The following MYO16 variants were observed in gnomAD, a reference collection of about 807,000 sequenced individuals.
The protein encoded by MYO16 is myosin XVI.
Under a neutral mutation model 205.3 loss-of-function variants are expected in MYO16, and 94 were observed. That is an observed-to-expected ratio of 0.46 (90% CI 0.39 to 0.54). MYO16 has a LOEUF of 0.54. Ranked by LOEUF, MYO16 falls within the 20% of genes least tolerant of loss-of-function variation. The pLI, the probability that MYO16 is intolerant of heterozygous loss-of-function variation, is 0.00. For missense variants in MYO16, 2,315 were observed against 2,387.5 expected, an observed-to-expected ratio of 0.97 and a Z score of 0.63; for synonymous variants, 988 against 954.0, an observed-to-expected ratio of 1.04 and a Z score of -0.66.
At chr13:108,620,644 G>C (rs538476471) in intron 1 of MYO16, among the ~76,000 whole-genome samples, 1 of 152,186 alleles carries the variant, frequency 6.6e-6, no homozygotes, top group East Asian at 1.9e-4. Flanking sequence ...AGCAGAGATA[G>C]GGATGGAGAT....
chr13:109,126,568 C>T (rs192220717), intron 30 of MYO16, among the ~76,000 whole-genome samples: 64 of 152,250 alleles, frequency 4.2e-4, no homozygotes, highest in African/African-American at 1.3e-3. Context: ...TGGAACTAAA[C>T]GGCCACCCCA....
intron 4 of MYO16, among the ~76,000 whole-genome samples, chr13:108,757,540 A>T (rs562026988): frequency 6.6e-6 from 1 of 152,238 alleles, no homozygotes; most frequent in Admixed American, 6.5e-5. Context: ...CAGGTTAGTT[A>T]CATATGTATA....
At chr13:108,603,554 T>G (rs1019944557) in intron 1 of MYO16, among the ~76,000 whole-genome samples, 1 of 152,182 alleles carries the variant, frequency 6.6e-6, no homozygotes, top group Non-Finnish European at 1.5e-5. Flanking sequence ...CATTTTAAAT[T>G]TAAGCTACTT....
chr13:109,032,562 A>G (rs1218977786), intron 23 of MYO16, among the ~76,000 whole-genome samples: 2 of 152,214 alleles, frequency 1.3e-5, no homozygotes, highest in Non-Finnish European at 2.9e-5. Flanking sequence ...TTTGGATGTT[A>G]TTAAAGCAAT....
intron 4 of MYO16, among the ~76,000 whole-genome samples, chr13:108,736,882 T>C (rs1350679520): frequency 6.6e-6 from 1 of 152,230 alleles, no homozygotes; most frequent in African/African-American, 2.4e-5. Context: ...GATTCCTAGG[T>C]ATTTTATTCT....
At chr13:109,182,856 A>G (rs1367346390) in intron 34 of MYO16, among the ~76,000 whole-genome samples, 3 of 152,204 alleles carry the variant, frequency 2.0e-5, no homozygotes, top group Admixed American at 1.3e-4. Context: ...AAAGTAGTGA[A>G]AATTAATTTT....
At chr13:108,584,694 C>T in the MYO16 span, among the ~76,000 whole-genome samples, 2 of 152,120 alleles carry the variant, frequency 1.3e-5, no homozygotes, top group African/African-American at 4.8e-5. Flanking sequence ...CCTTTTTTAG[C>T]TCCCACATAT....
chr13:109,138,796 T>A (rs982858878), intron 31 of MYO16, among the ~76,000 whole-genome samples: 6 of 151,956 alleles, frequency 3.9e-5, no homozygotes, highest in East Asian at 1.9e-4. Flanking sequence ...TTACATCATT[T>A]ATTTAATTTA....
At chr13:109,194,098 C>T (rs750312610) in intron 34 of MYO16, among the ~76,000 whole-genome samples, 4 of 152,056 alleles carry the variant, frequency 2.6e-5, no homozygotes, top group Non-Finnish European at 4.4e-5. Context: ...GTACTTGTGT[C>T]TTGTCTAAGC....
rs1336341337 is a variant in MYO16 at position 108,964,851 on chromosome 13, T to C, written c.2318T>C (p.Phe773Ser). 1.2e-6 allele frequency: 2 copies of C among 1,614,176 alleles called. No individual in the cohort carries two copies. Among genetic ancestry groups the C allele is most frequent in the Non-Finnish European group, 1.7e-6 (2 of 1,180,028 alleles). Residue 773 changes from phenylalanine (F) to serine (S), a missense_variant, in exon 20 of 35, where the codon TTT becomes TCT. By Grantham distance (155) the Phe-to-Ser change is radical. Transcript: ENST00000457511. ...AKSLYSRLFS[F>S]LVNTMNSCLH... Reference sequence around the variant, plus strand: ...TCCCTGTACAGTCGTTTGTTTAGCTTTTTGGTGAATACCATGAATTCTTGC... The same window carrying C: ...TCCCTGTACAGTCGTTTGTTTAGCTCTTTGGTGAATACCATGAATTCTTGC...
At chr13:109,122,583 C>G (rs1020125444) in intron 29 of MYO16, among the ~76,000 whole-genome samples, 2 of 151,098 alleles carry the variant, frequency 1.3e-5, no homozygotes, top group Non-Finnish European at 2.9e-5. Flanking sequence ...GAGGCTAAGG[C>G]AGGAGAACCA....
chr13:109,057,934 G>T (rs1193842667), intron 27 of MYO16, among the ~76,000 whole-genome samples: 1 of 152,020 alleles, frequency 6.6e-6, no homozygotes, highest in African/African-American at 2.4e-5. Context: ...GATGAGCCTT[G>T]AGACGTTACA....
chr13:108,706,178 A>G (rs1442448631), intron 2 of MYO16, among the ~76,000 whole-genome samples: 3 of 152,356 alleles, frequency 2.0e-5, no homozygotes, highest in African/African-American at 7.2e-5. Context: ...ATTAAAATCT[A>G]TATGAAAGTA....
the MYO16 span, among the ~76,000 whole-genome samples, chr13:108,543,458 C>T: frequency 6.6e-6 from 1 of 151,706 alleles, no homozygotes; most frequent in Admixed American, 6.6e-5. Flanking sequence ...TCCTGGCTAA[C>T]ACGGTGAAAC....
At chr13:108,639,544 C>T (rs142820471) in intron 1 of MYO16, among the ~76,000 whole-genome samples, 20 of 152,266 alleles carry the variant, frequency 1.3e-4, no homozygotes, top group African/African-American at 4.8e-4. Flanking sequence ...CTTCCTAAAC[C>T]TGAATGTCTC....
At chr13:108,839,443 T>C (rs1877116648) in intron 9 of MYO16, among the ~76,000 whole-genome samples, 1 of 152,132 alleles carries the variant, frequency 6.6e-6, no homozygotes, top group Non-Finnish European at 1.5e-5. Flanking sequence ...TTAATAACTA[T>C]ACTATTGAGA....
intron 23 of MYO16, among the ~76,000 whole-genome samples, chr13:109,030,132 T>G (rs1262538283): frequency 3.3e-5 from 5 of 149,606 alleles, no homozygotes; most frequent in African/African-American, 9.9e-5. Flanking sequence ...CTTTGTTAAT[T>G]AGTATTCATC....
intron 28 of MYO16, among the ~76,000 whole-genome samples, chr13:109,108,949 C>A (rs1331170807): frequency 6.6e-6 from 1 of 152,156 alleles, no homozygotes; most frequent in Non-Finnish European, 1.5e-5. Context: ...AGGGATGCTA[C>A]AAAGCCATGT....
At chr13:109,103,622 C>A (rs942970440) in intron 28 of MYO16, among the ~76,000 whole-genome samples, 2 of 152,170 alleles carry the variant, frequency 1.3e-5, no homozygotes, top group African/African-American at 4.8e-5. Flanking sequence ...CAGGTTTTCT[C>A]TTCTCTCTTT....
Sources: gnomAD v4.1 joint callset for allele counts (sites outside exome capture counted in the v4.1 genomes callset) on GRCh38, gnomAD v4.1.1 for gene constraint, MANE v1.5 for transcripts, NCBI Gene and HGNC (gene_info 2026-07-23, HGNC 2026-07-21) for gene names.